The following MAP4 variants were observed in gnomAD, a reference collection of about 807,000 sequenced individuals.
MAP4 encodes the protein microtubule-associated protein 4.
Under a neutral mutation model 170.2 loss-of-function variants are expected in MAP4, and 76 were observed. The observed-to-expected ratio is 0.45, with a 90% CI of 0.37 to 0.54. The LOEUF (loss-of-function observed/expected upper bound fraction) is 0.54, where lower values mean the gene tolerates loss of function less well. Among genes scored for constraint, MAP4 ranks in the 20% least tolerant of loss-of-function variants. MAP4 has a pLI of 0.00. For synonymous variants in MAP4, 909 were observed against 994.5 expected, an observed-to-expected ratio of 0.91 and a Z score of 1.62; for missense variants, 2,506 against 2,748.0, an observed-to-expected ratio of 0.91 and a Z score of 1.97.
rs2100040208 is a variant in MAP4, at chr3:47,917,301, T to C, written c.653-127A>G. On this transcript the variant is annotated intron_variant, in intron 6 of 20. Transcript: ENST00000683076. ...GACTGTACACATAACTAAGAATTAA[T>C]GTTAGGCCGGGCACAGTGGCTCACG... 4 of 769,626 alleles carry C rather than the reference T, an allele frequency of 5.2e-6. No homozygotes were observed. The South Asian group carries it at 5.3e-5, about 10-fold the overall frequency. 47.7% of individuals were successfully genotyped at this position (769,626 alleles called of 1,614,324 possible).
chr3:47,911,198 A>T lies in MAP4; in HGVS notation c.3223T>A (p.Ser1075Thr), dbSNP rs1164221605. Reference protein sequence around the residue: ...RGSSGKMRTDSGKVKAKSELP... With the variant: ...RGSSGKMRTDTGKVKAKSELP... ...TCAGATTTTGCTTTTACCTTCCCAG[A>T]ATCTGTTCTCATTTTCCCAGAACTT... Residue 1075 changes from serine to threonine, a missense_variant, in exon 9 of 21, where the codon TCT (serine) becomes ACT (threonine). Transcript: ENST00000683076. The surrounding 1 kb of genome is among the most constrained non-coding windows in gnomAD (Gnocchi z 4.0). 7.2e-6 allele frequency: 11 copies of T among 1,535,844 alleles called. No individual in the cohort carries two copies. Among genetic ancestry groups the T allele is most frequent in the Non-Finnish European group, 9.6e-6 (11 of 1,146,896 alleles).
At chr3:47,998,587 T>C (rs1039188665) in intron 2 of MAP4, 51 bp downstream of exon 2, 2 of 1,425,224 alleles carry the variant, frequency 1.4e-6, no homozygotes, top group Non-Finnish European at 9.9e-7. Flanking sequence ...AAAGGCATAA[T>C]CCCTAACCTG....
rs183800502 is a variant in MAP4 at position 48,080,486 on chromosome 3, A to G, written c.-20+8287T>C. 1.4e-3 allele frequency among the ~76,000 whole-genome samples: 210 copies of G among 152,316 alleles called. No individual in the cohort carries two copies. In the Middle Eastern group the frequency reaches 0.02, roughly 15 times the overall value. On this transcript the variant is annotated intron_variant, in intron 1 of 18. Coordinates refer to the MAP4 transcript ENST00000360240. The stretch of plus-strand genomic sequence containing the variant: ...AGGAACAATCCCATCAAGAAGACAA[A>G]GGTTGATTTGTTAGTCAAGATAATG...
intron 10 of MAP4, chr3:47,892,222 A>G: frequency 6.5e-7 from 1 of 1,536,430 alleles, no homozygotes; most frequent in Non-Finnish European, 8.7e-7. Context: ...CCTGCATTTC[A>G]ATGCTCAGCT....
intron 10 of MAP4, among the ~76,000 whole-genome samples, chr3:47,900,535 A>C (rs2100029440): frequency 6.6e-6 from 1 of 152,102 alleles, no homozygotes; most frequent in South Asian, 2.1e-4. Context: ...CTGGAGTTTG[A>C]GACTAGCCTG....
chr3:47,864,729 T>C (rs904316045), intron 17 of MAP4, among the ~76,000 whole-genome samples: 5 of 152,184 alleles, frequency 3.3e-5, no homozygotes, highest in African/African-American at 1.2e-4. Context: ...TAGCTAGGCA[T>C]GGTGGCAGGT....
In MAP4 at chr3:47,892,573, C is replaced by A. The variant is rs1259779951; in HGVS notation, c.5434+10377G>T. 2.1e-6 allele frequency: 3 copies of A among 1,439,958 alleles called. No individual in the cohort carries two copies. In the Admixed American group the frequency reaches 8.3e-5, roughly 40 times the overall value. 89.2% of individuals were successfully genotyped at this position (1,439,958 alleles called of 1,614,324 possible). A position where few individuals can be genotyped will look rare whatever the true frequency, so the allele number is the denominator to read the frequency against. On this transcript the variant is annotated intron_variant, in intron 10 of 20. Coordinates refer to ENST00000683076, the MANE Select transcript of MAP4 (RefSeq NM_001385682.1). ...GATCACACAGAGCTTGCAGTGACAT[C>A]ACACCAATTCCCCAGTATTCATGAC...
At chr3:47,953,347 A>G in intron 3 of MAP4, among the ~76,000 whole-genome samples, 1 of 151,934 alleles carries the variant, frequency 6.6e-6, no homozygotes, top group East Asian at 1.9e-4. Flanking sequence ...ACACACAGAG[A>G]CCCCATCTCC....
intron 6 of MAP4, among the ~76,000 whole-genome samples, chr3:47,917,955 C>T (rs1040991510): frequency 6.6e-6 from 1 of 152,080 alleles, no homozygotes; most frequent in African/African-American, 2.4e-5. Flanking sequence ...CTCAGCCTCC[C>T]TAGTAGCTGG....
chr3:48,084,250 T>A (rs963656225), intron 1 of MAP4, among the ~76,000 whole-genome samples: 13 of 150,726 alleles, frequency 8.6e-5, no homozygotes, highest in African/African-American at 3.2e-4. Flanking sequence ...TCACAAAAGT[T>A]AGCCAGGTGT....
intron 17 of MAP4, among the ~76,000 whole-genome samples, chr3:47,865,679 C>T (rs1163114578): frequency 1.3e-5 from 2 of 152,112 alleles, no homozygotes; most frequent in African/African-American, 2.4e-5. Flanking sequence ...GGACCTAGTC[C>T]GGTTCAGGAC....
intron 17 of MAP4, among the ~76,000 whole-genome samples, chr3:47,863,172 C>T (rs912020840): frequency 2.0e-5 from 3 of 152,156 alleles, no homozygotes; most frequent in Non-Finnish European, 4.4e-5. Context: ...GACGGGGTTT[C>T]TCCATGTTGG....
chr3:47,984,900 C>T (rs906882201), intron 2 of MAP4, among the ~76,000 whole-genome samples: 4 of 151,520 alleles, frequency 2.6e-5, no homozygotes, highest in Non-Finnish European at 4.4e-5. Flanking sequence ...ACCCAGAAGG[C>T]GGAGGTTGCA....
intron 3 of MAP4, among the ~76,000 whole-genome samples, chr3:47,972,024 T>C (rs2100079056): frequency 6.6e-6 from 1 of 152,216 alleles, no homozygotes; most frequent in South Asian, 2.1e-4. Flanking sequence ...GCTTTAAACC[T>C]GAGAACAGAT....
intron 1 of MAP4, among the ~76,000 whole-genome samples, chr3:48,002,954 A>AACATAAATAAAT (rs150869570): frequency 6.9e-6 from 1 of 144,686 alleles, no homozygotes; most frequent in African/African-American, 2.5e-5. Context: ...ATTAAGGCCA[A>AACATAAATAAAT]AAATAAATAA....
At chr3:47,947,621 T>C (rs919907579) in intron 3 of MAP4, among the ~76,000 whole-genome samples, 1 of 151,832 alleles carries the variant, frequency 6.6e-6, no homozygotes, top group Non-Finnish European at 1.5e-5. Flanking sequence ...GAGACCAGCC[T>C]GGGCACAATG....
chr3:48,072,877 GA>G (rs1158878685), intron 1 of MAP4, among the ~76,000 whole-genome samples: 2 of 152,160 alleles, frequency 1.3e-5, no homozygotes, highest in Non-Finnish European at 2.9e-5. Context: ...TAGAGAAAGA[GA>G]AACAAGAAAT....
At chr3:48,061,793 G>C (rs1186231610) in intron 1 of MAP4, among the ~76,000 whole-genome samples, 2 of 151,538 alleles carry the variant, frequency 1.3e-5, no homozygotes, top group African/African-American at 4.9e-5. Context: ...GGAGGGAGGT[G>C]GGGGGCAGCC....
chr3:47,961,833 T>G (rs981493742), intron 3 of MAP4, among the ~76,000 whole-genome samples: 5 of 152,168 alleles, frequency 3.3e-5, no homozygotes, highest in Non-Finnish European at 7.3e-5. Flanking sequence ...CACCAGTGCC[T>G]CAAACAGGCT....
Sources: gnomAD v4.1 joint callset for allele counts (sites outside exome capture counted in the v4.1 genomes callset) on GRCh38, gnomAD v4.1.1 for gene constraint, Gnocchi (gnomAD v3.1) non-coding constraint, MANE v1.5 for transcripts, NCBI Gene and HGNC (gene_info 2026-07-23, HGNC 2026-07-21) for gene names.